The following POFUT3 variants were observed in gnomAD, a reference collection of about 807,000 sequenced individuals.
POFUT3 encodes GDP-fucose protein O-fucosyltransferase 3.
At chr8:33,436,540 T>C in the POFUT3 span, 1 of 1,005,594 alleles carries the variant, frequency 9.9e-7, no homozygotes, top group Non-Finnish European at 1.6e-6. Context: ...ATGGTGCAGG[T>C]TGCGTATGGC....
the POFUT3 span, among the ~76,000 whole-genome samples, chr8:33,329,871 A>G: frequency 6.6e-6 from 1 of 152,234 alleles, no homozygotes; most frequent in Non-Finnish European, 1.5e-5. Context: ...CTAATGGATA[A>G]TAAAACAATA....
chr8:33,456,407 G>C, the POFUT3 span, among the ~76,000 whole-genome samples: 3 of 151,720 alleles, frequency 2.0e-5, no homozygotes, highest in African/African-American at 7.3e-5. Context: ...GCCCAGGCTA[G>C]AGTGCAATGG....
At chr8:33,391,830 G>A in the POFUT3 span, among the ~76,000 whole-genome samples, 1 of 152,126 alleles carries the variant, frequency 6.6e-6, no homozygotes, top group Non-Finnish European at 1.5e-5. Flanking sequence ...TCAGGCACAG[G>A]GGATTTGAGT....
the POFUT3 span, among the ~76,000 whole-genome samples, chr8:33,458,076 G>C: frequency 2.0e-5 from 3 of 152,150 alleles, no homozygotes; most frequent in Non-Finnish European, 2.9e-5. Flanking sequence ...AGTTAAAACG[G>C]GTGGGCCCTA....
chr8:33,389,208 G>A, the POFUT3 span: 4 of 1,614,106 alleles, frequency 2.5e-6, no homozygotes, highest in Non-Finnish European at 3.4e-6. Flanking sequence ...TCTGATACAA[G>A]AATAGCACTT....
chr8:33,471,470 T>C, the POFUT3 span, among the ~76,000 whole-genome samples: 9 of 152,248 alleles, frequency 5.9e-5, no homozygotes, highest in East Asian at 1.7e-3. Context: ...CAGGCTGGTC[T>C]AGAACTCCTG....
the POFUT3 span, among the ~76,000 whole-genome samples, chr8:33,345,640 A>G: frequency 2.0e-5 from 3 of 151,440 alleles, no homozygotes; most frequent in African/African-American, 7.3e-5. Context: ...ACGTCAAGTG[A>G]TCCGCCCACG....
At chr8:33,382,393 G>T in the POFUT3 span, among the ~76,000 whole-genome samples, 2 of 150,322 alleles carry the variant, frequency 1.3e-5, no homozygotes, top group Non-Finnish European at 3.0e-5. Context: ...CAGCAAGGTG[G>T]TTTTTTTTTT....
chr8:33,455,931 G>A, the POFUT3 span: 1 of 427,258 alleles, frequency 2.3e-6, no homozygotes, highest in Non-Finnish European at 4.6e-6. Context: ...CTGAGTGAAA[G>A]CCAAGCAGCA....
chr8:33,311,532 C>T, the POFUT3 span, among the ~76,000 whole-genome samples: 1 of 152,178 alleles, frequency 6.6e-6, no homozygotes, highest in Non-Finnish European at 1.5e-5. Context: ...AGAATCCTTC[C>T]TCTAGAGCGC....
the POFUT3 span, among the ~76,000 whole-genome samples, chr8:33,449,169 A>G: frequency 2.0e-5 from 3 of 152,014 alleles, no homozygotes; most frequent in Non-Finnish European, 4.4e-5. Flanking sequence ...ACAGTACTCA[A>G]TGAAATGACA....
chr8:33,328,016 C>T, the POFUT3 span, among the ~76,000 whole-genome samples: 233 of 152,326 alleles, frequency 1.5e-3, 3 homozygotes, highest in African/African-American at 5.3e-3. Flanking sequence ...TAACTGCCTG[C>T]TGAAGGTGAC....
the POFUT3 span, among the ~76,000 whole-genome samples, chr8:33,383,875 C>G: frequency 6.6e-6 from 1 of 151,784 alleles, no homozygotes; most frequent in Admixed American, 6.6e-5. Flanking sequence ...GAGATCAATG[C>G]CCCATAAGAC....
At chr8:33,460,777 T>TA in the POFUT3 span, 1 of 984,754 alleles carries the variant, frequency 1.0e-6, no homozygotes, top group South Asian at 4.7e-5. Flanking sequence ...TTCACCTGTT[T>TA]AAAAAAGGGG....
chr8:33,455,719 C>A, the POFUT3 span: 1 of 436,182 alleles, frequency 2.3e-6, no homozygotes, highest in Non-Finnish European at 4.6e-6. Context: ...GCCATGGAGG[C>A]CATTCCCTGT....
chr8:33,416,328 T>A, the POFUT3 span, among the ~76,000 whole-genome samples: 1 of 152,174 alleles, frequency 6.6e-6, no homozygotes, highest in Non-Finnish European at 1.5e-5. Flanking sequence ...ATGGGCCAGG[T>A]GCAGTGGCTC....
At chr8:33,391,405 C>T in the POFUT3 span, among the ~76,000 whole-genome samples, 33,385 of 152,182 alleles carry the variant, frequency 0.22, 4,052 homozygotes, top group East Asian at 0.46. Context: ...TGTTTATTGG[C>T]ATTTGCTATA....
At chr8:33,452,692 A>ACG in the POFUT3 span, 2 of 13,222 alleles carry the variant, frequency 1.5e-4, no homozygotes, top group Admixed American at 3.7e-4. Flanking sequence ...ACACAAACAC[A>ACG]CACACACACA....
the POFUT3 span, among the ~76,000 whole-genome samples, chr8:33,400,847 A>G: frequency 0.27 from 40,977 of 152,070 alleles, 5,823 homozygotes; most frequent in East Asian, 0.47. Context: ...GTGCTCTACT[A>G]TGACCTCTGA....
Sources: gnomAD v4.1 joint callset for allele counts (sites outside exome capture counted in the v4.1 genomes callset) on GRCh38, gnomAD v4.1.1 for gene constraint, MANE v1.5 for transcripts, NCBI Gene and HGNC (gene_info 2026-07-23, HGNC 2026-07-21) for gene names.